DLGAP2: variants seen among roughly 807,000 people sequenced by gnomAD.
DLGAP2 encodes disks large-associated protein 2.
In DLGAP2, 26 loss-of-function variants were observed where a neutral mutation model predicts 100.3. That is an observed-to-expected ratio of 0.26 (90% CI 0.19 to 0.36). The LOEUF (loss-of-function observed/expected upper bound fraction) is 0.36. DLGAP2 is among the 10% of genes least tolerant of loss of function. The pLI, the probability that DLGAP2 is intolerant of heterozygous loss-of-function variation, is 1.00. For missense variants in DLGAP2, 1,858 were observed against 1,453.2 expected (o/e 1.28, Z -4.53); for synonymous variants, 886 against 630.1 (o/e 1.41, Z -6.08).
At chr8:1,618,903 C>A (rs1797242251) in intron 6 of DLGAP2, among the ~76,000 whole-genome samples, 1 of 152,116 alleles carries the variant, frequency 6.6e-6, no homozygotes, top group African/African-American at 2.4e-5. Context: ...TAAATTGTGG[C>A]AAACTCAAAA....
Position 960,356 on chromosome 8 carries a change from C to T in DLGAP2, c.73+52390C>T, listed in dbSNP as rs186855462. Among the ~76,000 whole-genome samples, 192 of 150,108 alleles carry T rather than the reference C, an allele frequency of 1.3e-3. 1 individual carries two copies. Among genetic ancestry groups the T allele is most frequent in the African/African-American group, 4.5e-3 (185 of 40,980 alleles). ...CTTCAATCGATTCTCGTGCCTCAGC[C>T]TCCAGAGTAGCTGGGATTACAGGCA... On this transcript the variant is annotated intron_variant, in intron 2 of 14. Coordinates refer to ENST00000637795, the MANE Select transcript of DLGAP2 (RefSeq NM_001346810.2).
chr8:786,280 T>TG (rs1821862854), intron 1 of DLGAP2, among the ~76,000 whole-genome samples: 1 of 152,222 alleles, frequency 6.6e-6, no homozygotes, highest in South Asian at 2.1e-4. Context: ...AGGGTGCAGT[T>TG]GGTCCATGGA....
intron 2 of DLGAP2, among the ~76,000 whole-genome samples, chr8:1,252,226 C>G (rs1050748380): frequency 2.0e-5 from 3 of 150,600 alleles, no homozygotes; most frequent in Non-Finnish European, 2.9e-5. Flanking sequence ...GTGGTGTTGT[C>G]ACATGGGTGT....
At chr8:1,411,711 G>A (rs1796736202) in intron 3 of DLGAP2, among the ~76,000 whole-genome samples, 1 of 152,166 alleles carries the variant, frequency 6.6e-6, no homozygotes, top group South Asian at 2.1e-4. Context: ...ACAGGCTCAC[G>A]AAGCTGCGTG....
chr8:904,402 C>T (rs1377605505), intron 1 of DLGAP2, among the ~76,000 whole-genome samples: 1 of 152,150 alleles, frequency 6.6e-6, no homozygotes, highest in African/African-American at 2.4e-5. Context: ...TGCCTGTAAT[C>T]CCAGTGACTA....
At chr8:1,384,330 C>A (rs1282414672) in intron 3 of DLGAP2, among the ~76,000 whole-genome samples, 1 of 148,644 alleles carries the variant, frequency 6.7e-6, no homozygotes, top group African/African-American at 2.4e-5. Context: ...GCACAGTTAC[C>A]CCGGCCTGTG....
At chr8:946,494 A>C (rs544530112) in intron 2 of DLGAP2, among the ~76,000 whole-genome samples, 1 of 151,782 alleles carries the variant, frequency 6.6e-6, no homozygotes, top group African/African-American at 2.4e-5. Context: ...CGATCTCCTG[A>C]CCTTGTGATC....
chr8:1,176,609 G>A lies in DLGAP2; in HGVS notation c.74-82242G>A, dbSNP rs371447826. 7.1e-3 allele frequency among the ~76,000 whole-genome samples: 833 copies of A among 116,834 alleles called. 12 individuals are homozygous for A. Among genetic ancestry groups the A allele is most frequent in the African/African-American group, 0.025 (799 of 31,340 alleles). 76.6% of individuals were successfully genotyped at this position (116,834 alleles called of 152,430 possible). A position where few individuals can be genotyped will look rare whatever the true frequency, so the allele number is the denominator to read the frequency against. ...CTCAATCCAGTGCACGACAGGGGTCGTGTTTCCTTGTGGGGTTGACGGGGA... is the reference window on the plus strand; with the variant it reads ...CTCAATCCAGTGCACGACAGGGGTCATGTTTCCTTGTGGGGTTGACGGGGA... On this transcript the variant is annotated intron_variant, in intron 2 of 14. Transcript: ENST00000637795.
At chr8:970,295 G>A (rs1799980591) in intron 2 of DLGAP2, among the ~76,000 whole-genome samples, 1 of 152,104 alleles carries the variant, frequency 6.6e-6, no homozygotes, top group African/African-American at 2.4e-5. Flanking sequence ...AGAAATTATA[G>A]GTGTGTTGAC....
chr8:903,231 A>C (rs959270267), intron 1 of DLGAP2, among the ~76,000 whole-genome samples: 1 of 152,172 alleles, frequency 6.6e-6, no homozygotes, highest in African/African-American at 2.4e-5. Flanking sequence ...GATTACAAAC[A>C]AGGATGTTTT....
intron 2 of DLGAP2, among the ~76,000 whole-genome samples, chr8:1,051,584 A>G (rs1802713976): frequency 6.6e-6 from 1 of 152,224 alleles, no homozygotes; most frequent in Non-Finnish European, 1.5e-5. Context: ...ATAGAAATAG[A>G]CTTGCTACTA....
chr8:1,537,925 G>T (rs1454921394), intron 4 of DLGAP2, among the ~76,000 whole-genome samples: 2 of 152,158 alleles, frequency 1.3e-5, no homozygotes, highest in Non-Finnish European at 2.9e-5. Context: ...TCTTACAATG[G>T]GTCTTAAAGA....
rs559591729 is a variant in DLGAP2 at position 1,466,390 on chromosome 8, T to C, written c.107-34976T>C. 9.2e-5 allele frequency among the ~76,000 whole-genome samples: 14 copies of C among 152,202 alleles called. No homozygotes were observed. In the East Asian group the frequency reaches 2.7e-3, roughly 29 times the overall value. ...GACATTTCCCCCCTCCCTTTTCCTCTTTTGGGCTGGAAATCTGCCCACTGG... is the reference window on the plus strand; with the variant it reads ...GACATTTCCCCCCTCCCTTTTCCTCCTTTGGGCTGGAAATCTGCCCACTGG... On this transcript the variant is annotated intron_variant, in intron 3 of 14. Transcript: ENST00000637795.
chr8:1,361,844 G>T (rs555900840), intron 3 of DLGAP2, among the ~76,000 whole-genome samples: 8 of 152,228 alleles, frequency 5.3e-5, no homozygotes, highest in Non-Finnish European at 1.2e-4. Flanking sequence ...GCGTCTTCTA[G>T]TGCAGGCCTG....
intron 2 of DLGAP2, among the ~76,000 whole-genome samples, chr8:1,234,419 C>G (rs1798601188): frequency 6.6e-6 from 1 of 152,200 alleles, no homozygotes; most frequent in African/African-American, 2.4e-5. Context: ...ACATGACACT[C>G]CCTGTGGGTC....
chr8:835,913 T>G (rs1796865387), intron 1 of DLGAP2, among the ~76,000 whole-genome samples: 1 of 152,194 alleles, frequency 6.6e-6, no homozygotes. Context: ...ACTGTGATGT[T>G]TGTGTATCCA....
At chr8:1,443,555 A>G (rs190316303) in intron 3 of DLGAP2, among the ~76,000 whole-genome samples, 70 of 152,314 alleles carry the variant, frequency 4.6e-4, no homozygotes, top group African/African-American at 1.6e-3. Context: ...GAGACTGGGT[A>G]ATTTATAGAG....
chr8:1,683,954 G>GTGTATATATATATATATA (rs1450063590), intron 12 of DLGAP2, among the ~76,000 whole-genome samples: 20 of 74,734 alleles, frequency 2.7e-4, no homozygotes, highest in Middle Eastern at 8.6e-3. Flanking sequence ...ATATATGTGT[G>GTGTATATATATATATATA]TATATATATA....
intron 2 of DLGAP2, among the ~76,000 whole-genome samples, chr8:1,253,202 G>A (rs1320800919): frequency 6.6e-6 from 1 of 152,192 alleles, no homozygotes; most frequent in East Asian, 1.9e-4. Context: ...GCTTGGCTTC[G>A]TCCTGAGGAG....
Sources: gnomAD v4.1 joint callset for allele counts (sites outside exome capture counted in the v4.1 genomes callset) on GRCh38, gnomAD v4.1.1 for gene constraint, MANE v1.5 for transcripts, NCBI Gene and HGNC (gene_info 2026-07-23, HGNC 2026-07-21) for gene names.